SNTB1: variants seen among roughly 807,000 people sequenced by gnomAD.
The protein encoded by SNTB1 is syntrophin beta 1.
A neutral mutation model predicts 48.9 loss-of-function variants in SNTB1; 36 were observed. That is an observed-to-expected ratio of 0.74 (90% CI 0.56 to 0.97). The LOEUF (loss-of-function observed/expected upper bound fraction) is 0.97, where lower values mean the gene tolerates loss of function less well. Among genes scored for constraint, SNTB1 ranks in the 50% least tolerant of loss-of-function variants. SNTB1 has a pLI of 0.00. For synonymous variants in SNTB1, 299 were observed against 294.6 expected, an observed-to-expected ratio of 1.01 and a Z score of -0.15; for missense variants, 786 against 703.4, an observed-to-expected ratio of 1.12 and a Z score of -1.33.
At chr8:120,604,085 T>C (rs1816470663) in intron 3 of SNTB1, among the ~76,000 whole-genome samples, 1 of 152,106 alleles carries the variant, frequency 6.6e-6, no homozygotes, top group African/African-American at 2.4e-5. Context: ...AAATGACTGA[T>C]ATGGGCCCAA....
At chr8:120,573,986 T>G (rs1480730355) in intron 4 of SNTB1, among the ~76,000 whole-genome samples, 1 of 152,214 alleles carries the variant, frequency 6.6e-6, no homozygotes, top group African/African-American at 2.4e-5. Flanking sequence ...CGTCTATAGA[T>G]GAACGGATAA....
Position 120,748,323 on chromosome 8 carries a change from T to A in SNTB1, c.572-54415A>T, listed in dbSNP as rs144975067. On this transcript the variant is annotated intron_variant, in intron 1 of 6. Coordinates refer to ENST00000517992, the MANE Select transcript of SNTB1 (RefSeq NM_021021.4). ...CTTTTTAACTTGTTCTAAATATATA[T>A]CTATCCACATAAATAGAGATGACAA... Among the ~76,000 whole-genome samples, 304 of 152,292 alleles carry A rather than the reference T, an allele frequency of 2.0e-3. 1 individual carries two copies. Among genetic ancestry groups the A allele is most frequent in the African/African-American group, 7.1e-3 (295 of 41,562 alleles).
chr8:120,644,760 C>G (rs1386583513), intron 2 of SNTB1, among the ~76,000 whole-genome samples: 1 of 149,288 alleles, frequency 6.7e-6, no homozygotes, highest in African/African-American at 2.4e-5. Flanking sequence ...AATGGTTGAA[C>G]TAGTTTACAG....
At position 120,538,584 on chromosome 8, in the gene SNTB1, T is replaced by G; in HGVS notation, c.*293A>C. 2.0e-6 allele frequency: 1 copy of G among 488,950 alleles called. No individual in the cohort carries two copies. Among genetic ancestry groups the G allele is most frequent in the Non-Finnish European group, 4.0e-6 (1 of 247,646 alleles). The allele number at this position is 488,950 out of a possible 1,614,324, so 30.3% of individuals were successfully genotyped here. ...CATGCTGTTCTAATGGTCATGTCCT[T>G]GGTTGTCATTATTTCAAAGCTATGC... On this transcript the variant is annotated 3_prime_UTR_variant, in exon 7 of 7. Coordinates refer to ENST00000517992, the MANE Select transcript of SNTB1 (RefSeq NM_021021.4).
At position 120,548,905 on chromosome 8, in the gene SNTB1, G is replaced by C. The variant is rs779936049; in HGVS notation, c.1190C>G (p.Ser397Cys). 6.2e-7 allele frequency: 1 copy of C among 1,610,656 alleles called. No homozygotes were observed. Among genetic ancestry groups the C allele is most frequent in the Non-Finnish European group, 8.5e-7 (1 of 1,178,306 alleles). ...KGSPQAGVDL[S>C]FATRTGTRQG... ...CCTGGTACCAGTTCGCGTTGCAAAG[G>C]ACAGATCCACACCAGCCTGGGGTGA... Residue 397 changes from serine to cysteine, a missense_variant, in exon 5 of 7, where the codon TCC becomes TGC. Transcript: ENST00000517992.
At chr8:120,763,740 G>T (rs952098605) in intron 1 of SNTB1, among the ~76,000 whole-genome samples, 8 of 151,386 alleles carry the variant, frequency 5.3e-5, no homozygotes, top group Admixed American at 6.6e-5. Context: ...AATATAAATA[G>T]AAATTTTTTT....
chr8:120,584,967 A>C (rs2130700190), intron 3 of SNTB1, among the ~76,000 whole-genome samples: 1 of 152,118 alleles, frequency 6.6e-6, no homozygotes, highest in East Asian at 1.9e-4. Flanking sequence ...GGCATGGAAC[A>C]TATTCTTCCT....
At chr8:120,761,397 C>T (rs748678977) in intron 1 of SNTB1, 1 of 152,146 alleles carries the variant, frequency 6.6e-6, no homozygotes, top group Non-Finnish European at 1.5e-5. Flanking sequence ...ACCCACAAGC[C>T]ATAGTTAACT....
chr8:120,609,084 T>C (rs1816573562), intron 3 of SNTB1, among the ~76,000 whole-genome samples: 2 of 152,198 alleles, frequency 1.3e-5, no homozygotes, highest in African/African-American at 4.8e-5. Context: ...GTCACATATG[T>C]GTCTAAACAA....
intron 1 of SNTB1, among the ~76,000 whole-genome samples, chr8:120,707,628 A>C (rs917514980): frequency 1.3e-5 from 2 of 152,184 alleles, no homozygotes; most frequent in Non-Finnish European, 2.9e-5. Flanking sequence ...CAACTCTTTC[A>C]ATAAATAAAC....
chr8:120,652,492 A>G (rs1817424508), intron 2 of SNTB1, among the ~76,000 whole-genome samples: 1 of 151,560 alleles, frequency 6.6e-6, no homozygotes, highest in South Asian at 2.1e-4. Context: ...CCACCTTGCC[A>G]TCGAGAGGGA....
intron 1 of SNTB1, among the ~76,000 whole-genome samples, chr8:120,749,508 A>G (rs1430366483): frequency 6.6e-6 from 1 of 151,998 alleles, no homozygotes; most frequent in Non-Finnish European, 1.5e-5. Context: ...CAGCCTCTCT[A>G]TGTATCTACG....
At chr8:120,770,672 G>A (rs1819609480) in intron 1 of SNTB1, among the ~76,000 whole-genome samples, 1 of 152,144 alleles carries the variant, frequency 6.6e-6, no homozygotes, top group South Asian at 2.1e-4. Context: ...AATTAGCTGG[G>A]TGTGATGGCA....
chr8:120,742,186 G>A (rs757996551), intron 1 of SNTB1, among the ~76,000 whole-genome samples: 23 of 152,198 alleles, frequency 1.5e-4, no homozygotes, highest in Non-Finnish European at 2.5e-4. Flanking sequence ...TCCTCTGACA[G>A]CCAAGCAAAG....
At chr8:120,560,540 G>A (rs911121496) in intron 4 of SNTB1, among the ~76,000 whole-genome samples, 2 of 152,184 alleles carry the variant, frequency 1.3e-5, no homozygotes, top group African/African-American at 4.8e-5. Flanking sequence ...GAATATGGTA[G>A]TGAAAGGCAA....
intron 2 of SNTB1, chr8:120,637,897 T>C (rs1817109787): frequency 4.4e-6 from 1 of 226,382 alleles, no homozygotes; most frequent in Non-Finnish European, 9.7e-6. Context: ...GTTAAAATCC[T>C]GTAAGGTAAT....
chr8:120,599,143 A>G (rs1291119971), intron 3 of SNTB1, among the ~76,000 whole-genome samples: 3 of 152,216 alleles, frequency 2.0e-5, no homozygotes, highest in Non-Finnish European at 2.9e-5. Flanking sequence ...TGCTACCTCT[A>G]TATAAGGCGG....
intron 5 of SNTB1, among the ~76,000 whole-genome samples, chr8:120,547,592 CAAAAAA>C (rs11289979): frequency 2.2e-5 from 2 of 89,070 alleles, no homozygotes; most frequent in African/African-American, 4.9e-5. Context: ...AACACTGTCT[CAAAAAA>C]AAAAAAAAAA....
intron 1 of SNTB1, among the ~76,000 whole-genome samples, chr8:120,707,735 T>A (rs963158747): frequency 2.0e-5 from 3 of 152,182 alleles, no homozygotes; most frequent in African/African-American, 7.2e-5. Context: ...AGACCTGGAA[T>A]TTGATCCCAC....
Sources: gnomAD v4.1 joint callset for allele counts (sites outside exome capture counted in the v4.1 genomes callset) on GRCh38, gnomAD v4.1.1 for gene constraint, MANE v1.5 for transcripts, NCBI Gene and HGNC (gene_info 2026-07-23, HGNC 2026-07-21) for gene names.